The following TPM1 variants were observed in gnomAD, a reference collection of about 807,000 sequenced individuals.
TPM1 encodes tropomyosin alpha-1 chain.
A neutral mutation model predicts 42.9 loss-of-function variants in TPM1; 24 were observed. That is an observed-to-expected ratio of 0.56 (90% CI 0.41 to 0.79). The LOEUF (loss-of-function observed/expected upper bound fraction) is 0.79. Ranked by LOEUF, TPM1 falls within the 30% of genes least tolerant of loss-of-function variation. TPM1 has a pLI of 0.00. For missense variants in TPM1, 158 were observed against 351.8 expected (o/e 0.45, Z 4.41); for synonymous variants, 136 against 130.1 (o/e 1.05, Z -0.31).
chr15:63,043,091 A>T, intron 1 of TPM1, 148 bp downstream of exon 1: 1 of 693,664 alleles, frequency 1.4e-6, no homozygotes, highest in East Asian at 2.7e-5. Context: ...GTCTGGAAAG[A>T]AGGAAGGGAA....
intron 5 of TPM1, 89 bp downstream of exon 5, chr15:63,061,028 T>C: frequency 6.5e-7 from 1 of 1,540,034 alleles, no homozygotes; most frequent in East Asian, 2.3e-5. Flanking sequence ...GCACATTACC[T>C]GTTTCAGCTC....
chr15:63,048,660 G>C (rs1408761068), intron 2 of TPM1: 46 of 1,539,574 alleles, frequency 3.0e-5, no homozygotes, highest in Non-Finnish European at 3.9e-5. Context: ...GGAGCGCGCG[G>C]GCACCCTGCA....
At chr15:63,046,525 A>G (rs985417961) in intron 2 of TPM1, 3 of 152,240 alleles carry the variant, frequency 2.0e-5, no homozygotes, top group African/African-American at 7.2e-5. Flanking sequence ...TACAAATCCT[A>G]TTCTGGAAGT....
Position 63,042,794 on chromosome 15 carries a change from C to G in TPM1, c.-36C>G. On this transcript the variant is annotated 5_prime_UTR_variant, in exon 1 of 10. Coordinates refer to ENST00000403994, the MANE Select transcript of TPM1 (RefSeq NM_001018005.2). ...CCGACCGCGCGCTCGCCCCGCCGCT[C>G]CTGCTGCAGCCCCAGGGCCCCTCGC... 1.3e-6 allele frequency: 2 copies of G among 1,583,838 alleles called. No homozygotes were observed. Among genetic ancestry groups the G allele is most frequent in the Non-Finnish European group, 1.7e-6 (2 of 1,155,404 alleles).
intron 9 of TPM1, chr15:63,064,412 A>G: frequency 7.8e-7 from 1 of 1,285,256 alleles, no homozygotes; most frequent in Non-Finnish European, 9.9e-7. Flanking sequence ...AGTGACCTTG[A>G]GCACTGTCCT....
chr15:63,061,866 TACAG>T lies in TPM1; in HGVS notation c.639+79_639+82del. 3 of 1,261,192 alleles carry T rather than the reference TACAG, an allele frequency of 2.4e-6. No homozygotes were observed. In the Admixed American group the frequency reaches 5.5e-5, roughly 23 times the overall value. The allele number at this position is 1,261,192 out of a possible 1,614,324, so 78.1% of individuals were successfully genotyped here. A position where few individuals can be genotyped will look rare whatever the true frequency, so the allele number is the denominator to read the frequency against. On this transcript the variant is annotated intron_variant, in intron 6 of 9. Transcript: ENST00000403994. ...AGAGGCCCTGCCAGAAAGCAACACT[TACAG>T]TAGACATTTTAGTAAAATGGCAATA...
chr15:63,062,821 C>A (rs773865422), intron 8 of TPM1, 176 bp downstream of exon 8: 1 of 1,537,552 alleles, frequency 6.5e-7, no homozygotes, highest in Non-Finnish European at 8.7e-7. Flanking sequence ...CCTAAGTCTT[C>A]TGCTCACGAG....
rs1167364410 is a variant in TPM1 at position 63,043,418 on chromosome 15, TAC to T, written c.114+477_114+478del. ...AACAAAGATGGGGCGGAATGGAGGC[TAC>T]AGCCCGAAAGCCAGGCCAGCAGTGG... On this transcript the variant is annotated intron_variant, in intron 1 of 9. Transcript: ENST00000403994. 3 of 635,044 alleles carry T rather than the reference TAC, an allele frequency of 4.7e-6. No homozygotes were observed. The African/African-American group carries it at 5.4e-5, about 11-fold the overall frequency. The allele number at this position is 635,044 out of a possible 1,614,324, so 39.3% of individuals were successfully genotyped here.
At chr15:63,064,884 A>G (rs916667074) in intron 9 of TPM1, 2 of 643,392 alleles carry the variant, frequency 3.1e-6, no homozygotes, top group Admixed American at 6.3e-5. Flanking sequence ...GGAGAATGGC[A>G]TGAACCCGGG....
At chr15:63,069,784 G>T (rs1192141976), downstream of TPM1, 4 of 1,558,814 alleles carry the variant, frequency 2.6e-6, no homozygotes, top group African/African-American at 5.4e-5. Context: ...GTCTCTTTGT[G>T]TTCTCTATTA....
downstream of TPM1, among the ~76,000 whole-genome samples, chr15:63,068,494 A>T (rs77241181): frequency 2.7e-3 from 417 of 152,326 alleles, no homozygotes; most frequent in Non-Finnish European, 4.5e-3. Flanking sequence ...GAGAATGTTA[A>T]TGTGAGAACT....
In TPM1 at chr15:63,062,220, G is replaced by A. The variant is rs773403386; in HGVS notation, c.645G>A (p.Ser215=). 9 of 1,613,856 alleles carry A rather than the reference G, an allele frequency of 5.6e-6. No individual in the cohort carries two copies. Among genetic ancestry groups the A allele is most frequent in the Middle Eastern group, 1.6e-4 (1 of 6,084 alleles). ...KSLEAQAEKY[S]QKEDRYEEEI... ...AATGCTCTTTCTAATTACAGTACTC[G>A]CAGAAGGAAGACAGATATGAGGAAG... Residue 215 remains serine (S), a synonymous_variant, in exon 7 of 10, where the codon TCG becomes TCA. Coordinates refer to ENST00000403994, the MANE Select transcript of TPM1 (RefSeq NM_001018005.2).
intron 2 of TPM1, chr15:63,055,599 T>TTACA (rs1189851925): frequency 6.6e-6 from 1 of 152,236 alleles, no homozygotes; most frequent in African/African-American, 2.4e-5. Context: ...TGTGAGCAGC[T>TTACA]TACAGTTCAA....
intron 4 of TPM1, among the ~76,000 whole-genome samples, chr15:63,060,530 A>G (rs544241739): frequency 1.3e-5 from 2 of 152,138 alleles, no homozygotes; most frequent in Non-Finnish European, 2.9e-5. Flanking sequence ...CCACCTTTTT[A>G]GTACATGTCT....
At chr15:63,056,827 A>G (rs188477259) in intron 2 of TPM1, 158 bp from the exon 3 acceptor site, 1 of 914,614 alleles carries the variant, frequency 1.1e-6, no homozygotes, top group African/African-American at 1.6e-5. Context: ...AATGTGTCCG[A>G]GAACTCCAGA....
chr15:63,069,501 C>T (rs535663490), downstream of TPM1, among the ~76,000 whole-genome samples: 5 of 152,298 alleles, frequency 3.3e-5, no homozygotes, highest in East Asian at 9.7e-4. Flanking sequence ...CTGGGCTCGC[C>T]TCCAGCCAGG....
At chr15:63,065,532 G>A in intron 9 of TPM1, 1 of 984,770 alleles carries the variant, frequency 1.0e-6, no homozygotes, top group Non-Finnish European at 1.2e-6. Flanking sequence ...AAATGAGGGG[G>A]TGGAGCAGAT....
rs2036003569 is a variant in TPM1, at chr15:63,064,122, T to C, written c.831T>C (p.Ala277=). The change falls in exon 9 of 10, where the codon GCT becomes GCC. Residue 277 remains alanine (A), a synonymous_variant. Coordinates refer to ENST00000403994, the MANE Select transcript of TPM1 (RefSeq NM_001018005.2). The part of the protein sequence containing the change: ...YKAISEELDH[A]LNDMTSI ...CCATCAGCGAGGAGCTGGACCACGC[T>C]CTCAACGATATGACTTCCATGTAAA... 1 of 1,614,094 alleles carries C rather than the reference T, an allele frequency of 6.2e-7. No homozygotes were observed. The highest frequency in any genetic ancestry group is 1.1e-5 in the South Asian group (1 of 91,030).
chr15:63,048,531 G>A, intron 2 of TPM1: 18 of 1,506,900 alleles, frequency 1.2e-5, no homozygotes, highest in Non-Finnish European at 1.6e-5. Context: ...GGCAGCAGCC[G>A]GCCTCTCCCA....
Sources: gnomAD v4.1 joint callset for allele counts (sites outside exome capture counted in the v4.1 genomes callset) on GRCh38, gnomAD v4.1.1 for gene constraint, MANE v1.5 for transcripts, NCBI Gene and HGNC (gene_info 2026-07-23, HGNC 2026-07-21) for gene names.